The following CACNA1G variants were observed in gnomAD, a reference collection of about 807,000 sequenced individuals.
CACNA1G encodes the protein calcium voltage-gated channel subunit alpha1 G, also known as voltage-dependent T-type calcium channel subunit alpha-1G.
In CACNA1G, 67 loss-of-function variants were observed where a neutral mutation model predicts 219.4. That is an observed-to-expected ratio of 0.31 (90% CI 0.25 to 0.37). The LOEUF is 0.37. Among genes scored for constraint, CACNA1G ranks in the 10% least tolerant of loss-of-function variants. CACNA1G has a pLI of 1.00. For synonymous variants in CACNA1G, 1,296 were observed against 1,345.3 expected (o/e 0.96, Z 0.80); for missense variants, 2,380 against 3,231.4 (o/e 0.74, Z 6.39).
In CACNA1G at chr17:50,561,562, G is replaced by C; in HGVS notation, c.103G>C (p.Gly35Arg). ...LSGAGGRPGPGSAEKDPGSAD... is the reference protein window; with the variant it reads ...LSGAGGRPGPRSAEKDPGSAD... ...GGGGGCCGGGGGCCGGCCGGGGCCG[G>C]GGTCAGCAGAAAAGGACCCGGGCAG... Residue 35 changes from glycine (G) to arginine (R), a missense_variant, in exon 1 of 38, where the codon GGG becomes CGG. This residue lies in a region of CACNA1G where 98 missense variants were observed against 85.5 expected (regional missense o/e 1.15). Coordinates refer to ENST00000359106, the MANE Select transcript of CACNA1G (RefSeq NM_018896.5). 1 of 1,547,682 alleles carries C rather than the reference G, an allele frequency of 6.5e-7. No individual in the cohort carries two copies. Among genetic ancestry groups the C allele is most frequent in the Admixed American group, 1.9e-5 (1 of 51,370 alleles).
chr17:50,618,614 C>A lies in CACNA1G; in HGVS notation c.5428-41C>A. ...TGATTTTCCACAACAGCTCCAACAA[C>A]TGTCCTCCCCAGCCTCACCCCTCTA... On this transcript the variant is annotated intron_variant, in intron 32 of 37. Coordinates refer to ENST00000359106, the MANE Select transcript of CACNA1G (RefSeq NM_018896.5). The surrounding 1 kb of genome is among the most constrained non-coding windows in gnomAD (Gnocchi z 5.3). The A allele has an allele frequency of 6.8e-7, 1 of 1,465,318 alleles. No homozygotes were observed. Among genetic ancestry groups the A allele is most frequent in the Non-Finnish European group, 9.5e-7 (1 of 1,054,458 alleles). 90.8% of individuals were successfully genotyped at this position (1,465,318 alleles called of 1,614,324 possible).
In CACNA1G at chr17:50,626,606, G is replaced by C. The variant is rs1252149999; in HGVS notation, c.6989G>C (p.Cys2330Ser). The change falls in exon 38 of 38, where the codon TGC (cysteine) becomes TCC (serine). Residue 2330 changes from cysteine to serine, a missense_variant. Cys to Ser is a moderately radical substitution (Grantham distance 112). Around this residue, in one of 17 missense-constraint regions of CACNA1G, gnomAD observed 672 missense variants for 670.5 expected, o/e 1.00. Coordinates refer to ENST00000359106, the MANE Select transcript of CACNA1G (RefSeq NM_018896.5). This position sits in a 1 kb window ranked among gnomAD's most constrained non-coding sequence, Gnocchi z 4.3. The stretch of plus-strand genomic sequence containing the variant: ...CGGACCCCGCCCAGCCCTGGTATCT[G>C]CCTCCGGAGGAGGGCTCCGTCCAGC... ...GPRTPPSPGI[C>S]LRRRAPSSDS... 6.2e-7 allele frequency: 1 copy of C among 1,611,896 alleles called. No homozygotes were observed. The highest frequency in any genetic ancestry group is 8.5e-7 in the Non-Finnish European group (1 of 1,179,478).
chr17:50,579,006 CAG>C (rs2041322461), intron 9 of CACNA1G, among the ~76,000 whole-genome samples: 1 of 151,996 alleles, frequency 6.6e-6, no homozygotes. Context: ...GCCATGTAAA[CAG>C]GGGTGCAGAG....
At position 50,626,859 on chromosome 17, in the gene CACNA1G, G is replaced by C; in HGVS notation, c.*108G>C. 1 of 1,408,660 alleles carries C rather than the reference G, an allele frequency of 7.1e-7. No homozygotes were observed. The highest frequency in any genetic ancestry group is 1.0e-6 in the Non-Finnish European group (1 of 996,178). The allele number at this position is 1,408,660 out of a possible 1,614,324, so 87.3% of individuals were successfully genotyped here. A position where few individuals can be genotyped will look rare whatever the true frequency, so the allele number is the denominator to read the frequency against. ...GTTCCATATAGACACCAAGGAGGCG[G>C]AGGCGCTCCTCCCTGCCTCAGTGGC... is the stretch of plus-strand genomic sequence containing the variant. On this transcript the variant is annotated 3_prime_UTR_variant, in exon 38 of 38. Coordinates refer to ENST00000359106, the MANE Select transcript of CACNA1G (RefSeq NM_018896.5). This position sits in a 1 kb window ranked among gnomAD's most constrained non-coding sequence, Gnocchi z 4.3.
intron 22 of CACNA1G, among the ~76,000 whole-genome samples, chr17:50,605,277 A>G (rs947063935): frequency 2.6e-5 from 4 of 152,142 alleles, no homozygotes; most frequent in African/African-American, 9.7e-5. Context: ...TAATGGAATG[A>G]GGGTGAGCTT....
Position 50,578,421 on chromosome 17 carries a change from G to T in CACNA1G, c.2158G>T (p.Ala720Ser), listed in dbSNP as rs761091393. The change falls in exon 9 of 38, where the codon GCA becomes TCA. Residue 720 changes from alanine to serine, a missense_variant. By Grantham distance (99) the Ala-to-Ser change is moderately conservative. Transcript: ENST00000359106. The surrounding 1 kb of genome is among the most constrained non-coding windows in gnomAD (Gnocchi z 4.5). ...SRRQRSLGPD[A>S]EPSSVLAFWR... The stretch of plus-strand genomic sequence containing the variant: ...GCGGCAACGGAGCCTGGGCCCAGAT[G>T]CAGAGCCCAGCTCTGTGCTGGCCTT... 1.2e-6 allele frequency: 2 copies of T among 1,613,330 alleles called. No homozygotes were observed. The highest frequency in any genetic ancestry group is 2.2e-5 in the South Asian group (2 of 91,050).
chr17:50,608,835 G>A (rs966461931), intron 25 of CACNA1G, among the ~76,000 whole-genome samples: 5 of 152,164 alleles, frequency 3.3e-5, no homozygotes, highest in African/African-American at 7.2e-5. Flanking sequence ...CCCCAGATGC[G>A]TCTGCACCTG....
rs1193893205 is a variant in CACNA1G, at chr17:50,569,729, TGCAGAAC to T, written c.514_520del (p.Gln172SerfsTer78). ...AGGATGCTGGAGTACTCGCTGGACCTGCAGAACGTCAGCTTCTCAGCTGTCAGGACAG... is the reference window on the plus strand; with the variant it reads ...AGGATGCTGGAGTACTCGCTGGACCTGTCAGCTTCTCAGCTGTCAGGACAG... On this transcript the variant is annotated frameshift_variant, in exon 4 of 38. Transcript: ENST00000359106. LOFTEE classifies it high-confidence loss of function. 6.4e-7 allele frequency: 1 copy of T among 1,550,832 alleles called. No homozygotes were observed. The highest frequency in any genetic ancestry group is 8.7e-7 in the Non-Finnish European group (1 of 1,146,842).
At chr17:50,605,556 T>C (rs2145910168) in intron 22 of CACNA1G, among the ~76,000 whole-genome samples, 1 of 152,374 alleles carries the variant, frequency 6.6e-6, no homozygotes, top group South Asian at 2.1e-4. Context: ...AGATCTGGGC[T>C]GGACCTGAGA....
At chr17:50,586,262 T>C (rs1215333856) in intron 9 of CACNA1G, among the ~76,000 whole-genome samples, 1 of 152,050 alleles carries the variant, frequency 6.6e-6, no homozygotes, top group Non-Finnish European at 1.5e-5. Context: ...AGTGGCAGCG[T>C]GGTAGGCAGA....
In CACNA1G at chr17:50,569,232, T is replaced by A; in HGVS notation, c.422T>A (p.Ile141Asn). 6.2e-7 allele frequency: 1 copy of A among 1,613,872 alleles called. No individual in the cohort carries two copies. The highest frequency in any genetic ancestry group is 8.5e-7 in the Non-Finnish European group (1 of 1,179,836). Reference protein sequence around the residue: ...EMVVKMVALGIFGKKCYLGDT... With the variant: ...EMVVKMVALGNFGKKCYLGDT... ...GTGGTGAAGATGGTGGCCTTGGGCA[T>A]CTTTGGGAAAAAGTGTTACCTGGGA... Residue 141 changes from isoleucine (I) to asparagine (N), a missense_variant, in exon 3 of 38, where the codon ATC becomes AAC. Coordinates refer to ENST00000359106, the MANE Select transcript of CACNA1G (RefSeq NM_018896.5).
chr17:50,593,814 G>A (rs2044899055), intron 13 of CACNA1G, among the ~76,000 whole-genome samples: 1 of 152,242 alleles, frequency 6.6e-6, no homozygotes, highest in African/African-American at 2.4e-5. Flanking sequence ...GGAGTGGGCA[G>A]TGACTGTGGC....
Position 50,572,739 on chromosome 17 carries a change from C to A in CACNA1G, c.932C>A (p.Thr311Asn). Residue 311 changes from threonine (T) to asparagine (N), a missense_variant, in exon 6 of 38, where the codon ACC becomes AAC. By Grantham distance (65) the Thr-to-Asn change is moderately conservative. Transcript: ENST00000359106. ...DYEAYNSSSN[T>N]TCVNWNQYYT... is the part of the protein sequence containing the mutation. ...GAGGCCTACAACAGCTCCAGCAACACCACCTGTGTCAACTGGAACCAGTAC... is the reference window on the plus strand; with the variant it reads ...GAGGCCTACAACAGCTCCAGCAACAACACCTGTGTCAACTGGAACCAGTAC... 1 of 1,614,004 alleles carries A rather than the reference C, an allele frequency of 6.2e-7. No individual in the cohort carries two copies. Among genetic ancestry groups the A allele is most frequent in the Admixed American group, 1.7e-5 (1 of 60,032 alleles).
intron 9 of CACNA1G, among the ~76,000 whole-genome samples, chr17:50,582,446 A>G (rs2079169404): frequency 6.6e-6 from 1 of 152,220 alleles, no homozygotes; most frequent in South Asian, 2.1e-4. Context: ...GGAGGCAGCA[A>G]GGATGACTCC....
rs182308749 is a variant in CACNA1G at position 50,579,532 on chromosome 17, C to A, written c.2301+968C>A. Among the ~76,000 whole-genome samples, 14 of 152,202 alleles carry A rather than the reference C, an allele frequency of 9.2e-5. No individual in the cohort carries two copies. In the South Asian group the frequency reaches 1.9e-3, roughly 20 times the overall value. On this transcript the variant is annotated intron_variant, in intron 9 of 37. Coordinates refer to ENST00000359106, the MANE Select transcript of CACNA1G (RefSeq NM_018896.5). ...TTCCAGAAGTCGCTCCCCCTCCCCC[C>A]AGTCTGGCCTTTCAGGTCACCCCTG... is the stretch of plus-strand genomic sequence containing the variant.
At chr17:50,567,293 GCATTAGGACTCTCGGGGTA>G (rs1376209500) in intron 1 of CACNA1G, among the ~76,000 whole-genome samples, 24 of 152,176 alleles carry the variant, frequency 1.6e-4, no homozygotes, top group Admixed American at 1.6e-3. Flanking sequence ...AAACTGCAGT[GCATTAGGACTCTCGGGGTA>G]CCACGGACAG....
chr17:50,589,965 A>T (rs945887408), intron 9 of CACNA1G, among the ~76,000 whole-genome samples: 6 of 151,322 alleles, frequency 4.0e-5, no homozygotes, highest in African/African-American at 1.5e-4. Flanking sequence ...AGGAAGCAAG[A>T]GTAGCCAACT....
At position 50,617,648 on chromosome 17, in the gene CACNA1G, T is replaced by C; in HGVS notation, c.5155+77T>C. On this transcript the variant is annotated intron_variant, in intron 29 of 37. Transcript: ENST00000359106. This position sits in a 1 kb window ranked among gnomAD's most constrained non-coding sequence, Gnocchi z 5.8. Reference sequence around the variant, plus strand: ...AGAGAGCAAGGGTCGGCTTTGTGGCTGGTCAAGGCCTGGGCGGCTGTGGGT... The same window carrying C: ...AGAGAGCAAGGGTCGGCTTTGTGGCCGGTCAAGGCCTGGGCGGCTGTGGGT... 6.4e-7 allele frequency: 1 copy of C among 1,557,950 alleles called. No homozygotes were observed. Among genetic ancestry groups the C allele is most frequent in the Non-Finnish European group, 8.7e-7 (1 of 1,145,232 alleles).
At chr17:50,591,903 A>C (rs2044423501) in intron 12 of CACNA1G, 34 bp from the exon 13 acceptor site, 1 of 1,613,888 alleles carries the variant, frequency 6.2e-7, no homozygotes, top group African/African-American at 1.3e-5. Flanking sequence ...AGGTGCCCCT[A>C]GTATAGGCCC....
Sources: allele counts gnomAD v4.1 joint callset (sites outside exome capture counted in the v4.1 genomes callset), GRCh38; gene constraint gnomAD v4.1.1; regional missense constraint gnomAD v4.1.1; non-coding constraint Gnocchi (gnomAD v3.1); transcripts MANE v1.5; gene names NCBI Gene and HGNC (gene_info 2026-07-23, HGNC 2026-07-21).